Variants in LRRC49 observed in about 807,000 individuals in gnomAD.
LRRC49 encodes leucine-rich repeat-containing protein 49.
LRRC49 carries 50 observed loss-of-function variants against 83.3 expected under a neutral mutation model. That is an observed-to-expected ratio of 0.60 (90% CI 0.48 to 0.76). The LOEUF is 0.76. Among genes scored for constraint, LRRC49 ranks in the 30% least tolerant of loss-of-function variants. LRRC49 has a pLI of 0.00. For synonymous variants in LRRC49, 286 were observed against 283.3 expected (o/e 1.01, Z -0.10); for missense variants, 704 against 809.1 (o/e 0.87, Z 1.58).
At chr15:70,868,171 T>C (rs1031242031) in intron 1 of LRRC49, among the ~76,000 whole-genome samples, 1 of 152,156 alleles carries the variant, frequency 6.6e-6, no homozygotes, top group African/African-American at 2.4e-5. Flanking sequence ...GGGGAAAACA[T>C]GTTTTGTTTT....
At chr15:71,035,049 A>C (rs534703978) in intron 14 of LRRC49, among the ~76,000 whole-genome samples, 1 of 152,228 alleles carries the variant, frequency 6.6e-6, no homozygotes, top group South Asian at 2.1e-4. Flanking sequence ...ACTTAAAATA[A>C]ATAGAAGAAA....
intron 5 of LRRC49, among the ~76,000 whole-genome samples, chr15:70,906,269 G>A (rs1027830780): frequency 6.6e-6 from 1 of 151,850 alleles, no homozygotes; most frequent in Non-Finnish European, 1.5e-5. Context: ...GCTAATTTTT[G>A]TATATTTAGT....
At chr15:71,046,041 T>C (rs1461160230) in intron 15 of LRRC49, among the ~76,000 whole-genome samples, 1 of 152,216 alleles carries the variant, frequency 6.6e-6, no homozygotes, top group Admixed American at 6.6e-5. Flanking sequence ...TTGTTATGGC[T>C]ATGTAGTTAC....
chr15:71,009,409 G>A (rs1180669510), intron 12 of LRRC49, among the ~76,000 whole-genome samples: 1 of 151,480 alleles, frequency 6.6e-6, no homozygotes. Context: ...AAATTGTGGG[G>A]GCCTGTATTT....
chr15:70,936,172 C>G (rs971636851), intron 7 of LRRC49, among the ~76,000 whole-genome samples: 2 of 151,770 alleles, frequency 1.3e-5, no homozygotes, highest in African/African-American at 2.4e-5. Flanking sequence ...TTTTAAGAAC[C>G]TCTGATATGA....
chr15:70,904,541 A>T lies in LRRC49; in HGVS notation c.297-11A>T. Reference sequence around the variant, plus strand: ...ATCATAACCTAATTAACTTTTTAACATTTTTTCTAGACAAAAGCTGACCGT... The same window carrying T: ...ATCATAACCTAATTAACTTTTTAACTTTTTTTCTAGACAAAAGCTGACCGT... On this transcript the variant is annotated splice_polypyrimidine_tract_variant and intron_variant, in intron 4 of 15. Coordinates refer to ENST00000260382, the MANE Select transcript of LRRC49 (RefSeq NM_017691.5). 6.2e-7 allele frequency: 1 copy of T among 1,600,830 alleles called. No homozygotes were observed. Among genetic ancestry groups the T allele is most frequent in the Non-Finnish European group, 8.5e-7 (1 of 1,170,040 alleles).
intron 9 of LRRC49, among the ~76,000 whole-genome samples, chr15:70,964,906 G>A (rs138100011): frequency 6.6e-6 from 1 of 152,240 alleles, no homozygotes; most frequent in African/African-American, 2.4e-5. Context: ...AATGTGTGCA[G>A]TTTTCATTTA....
chr15:70,999,920 G>C (rs1018694597), intron 11 of LRRC49, among the ~76,000 whole-genome samples: 4 of 152,156 alleles, frequency 2.6e-5, no homozygotes, highest in Non-Finnish European at 5.9e-5. Context: ...GTGATACAAA[G>C]GCAAGCCCTT....
intron 15 of LRRC49, among the ~76,000 whole-genome samples, chr15:71,040,645 C>G (rs548601587): frequency 7.2e-5 from 11 of 151,832 alleles, no homozygotes; most frequent in Admixed American, 7.2e-4. Context: ...CGGTGAAACC[C>G]CGTCTCTATT....
At chr15:70,980,568 C>G (rs1200044972) in intron 10 of LRRC49, among the ~76,000 whole-genome samples, 2 of 147,810 alleles carry the variant, frequency 1.4e-5, no homozygotes, top group Non-Finnish European at 3.0e-5. Flanking sequence ...ATGAGCTCTG[C>G]TACGTTTTTT....
At chr15:70,938,375 G>A (rs1337008631) in intron 8 of LRRC49, among the ~76,000 whole-genome samples, 2 of 152,112 alleles carry the variant, frequency 1.3e-5, no homozygotes, top group African/African-American at 2.4e-5. Context: ...ATAGAAGTCA[G>A]CTGACAATTT....
At chr15:71,021,962 AC>A (rs1408090498) in intron 14 of LRRC49, among the ~76,000 whole-genome samples, 6 of 152,226 alleles carry the variant, frequency 3.9e-5, no homozygotes, top group African/African-American at 1.4e-4. Context: ...AGTAGGCCTT[AC>A]GTAATTGTAA....
At chr15:70,954,984 G>A (rs1282203693) in intron 8 of LRRC49, among the ~76,000 whole-genome samples, 2 of 152,070 alleles carry the variant, frequency 1.3e-5, no homozygotes, top group Admixed American at 6.6e-5. Flanking sequence ...CTTGGGAGGT[G>A]TGCTCCAGCA....
In LRRC49 at chr15:70,859,658, C is replaced by T. The variant is rs544147319; in HGVS notation, c.-299+6189C>T. 204 of 646,130 alleles carry T rather than the reference C, an allele frequency of 3.2e-4. No homozygotes were observed. In the East Asian group the frequency reaches 6.2e-3, roughly 20 times the overall value. The allele number at this position is 646,130 out of a possible 1,614,324, so 40.0% of individuals were successfully genotyped here. ...CTCCGAGATGAACTGGAACATCAGC[C>T]GGCTCCAGGCTGAGATTAAGGGCCT... is the stretch of plus-strand genomic sequence containing the variant. On this transcript the variant is annotated intron_variant, in intron 1 of 16. Coordinates refer to the LRRC49 transcript ENST00000544974.
Position 71,001,185 on chromosome 15 carries a change from A to G in LRRC49, c.1170-7194A>G, listed in dbSNP as rs577272705. Among the ~76,000 whole-genome samples the G allele has an allele frequency of 2.6e-5, 4 of 152,162 alleles. No homozygotes were observed. The East Asian group carries it at 7.7e-4, about 29-fold the overall frequency. ...TATTATACCTGTAATTGATTTTTAT[A>G]TTTGAGGTTAAGTTCTGATTTGGGT... On this transcript the variant is annotated intron_variant, in intron 11 of 15. Coordinates refer to ENST00000260382, the MANE Select transcript of LRRC49 (RefSeq NM_017691.5).
chr15:70,884,617 AG>A (rs2141086425), intron 2 of LRRC49, among the ~76,000 whole-genome samples: 1 of 152,318 alleles, frequency 6.6e-6, no homozygotes, highest in African/African-American at 2.4e-5. Flanking sequence ...TCTTATTTAA[AG>A]GGTTTATCTC....
At chr15:70,858,813 G>A in intron 1 of LRRC49, 1 of 814,422 alleles carries the variant, frequency 1.2e-6, no homozygotes, top group East Asian at 2.5e-5. Flanking sequence ...GCCCGCATCA[G>A]CACCTGAGAT....
intron 1 of LRRC49, chr15:70,853,942 G>T: frequency 6.9e-7 from 1 of 1,444,172 alleles, no homozygotes; most frequent in Non-Finnish European, 9.1e-7. Context: ...CGGGGCTGAG[G>T]TACCGGGCCG....
chr15:70,949,253 G>A (rs533777585), intron 8 of LRRC49, among the ~76,000 whole-genome samples: 6 of 152,288 alleles, frequency 3.9e-5, no homozygotes, highest in Admixed American at 1.3e-4. Flanking sequence ...CATACACTGA[G>A]TAACAACATT....
Sources: allele counts gnomAD v4.1 joint callset (sites outside exome capture counted in the v4.1 genomes callset), GRCh38; gene constraint gnomAD v4.1.1; transcripts MANE v1.5; gene names NCBI Gene and HGNC (gene_info 2026-07-23, HGNC 2026-07-21).